DLGAP1: variants seen among roughly 807,000 people sequenced by gnomAD.
DLGAP1 encodes the protein DLG associated protein 1.
DLGAP1 carries 11 observed loss-of-function variants against 90.8 expected under a neutral mutation model. The ratio of observed to expected loss-of-function variants is 0.12; its 90% CI spans 0.08 to 0.20. The LOEUF is 0.20. Among genes scored for constraint, DLGAP1 ranks in the 10% least tolerant of loss-of-function variants. The pLI is 1.00. For missense variants in DLGAP1, 1,050 were observed against 1,333.8 expected, an observed-to-expected ratio of 0.79 and a Z score of 3.31; for synonymous variants, 558 against 540.7, an observed-to-expected ratio of 1.03 and a Z score of -0.44.
At chr18:4,291,143 T>C (rs2079839488) in intron 1 of DLGAP1, among the ~76,000 whole-genome samples, 3 of 152,214 alleles carry the variant, frequency 2.0e-5, no homozygotes, top group Admixed American at 6.5e-5. Flanking sequence ...TTATGGGTGA[T>C]GGTATTTATG....
intron 2 of DLGAP1, among the ~76,000 whole-genome samples, chr18:4,032,661 C>T (rs930954418): frequency 1.3e-5 from 2 of 152,070 alleles, no homozygotes; most frequent in East Asian, 3.9e-4. Context: ...CATGTCACAT[C>T]GTTTGGACAC....
intron 7 of DLGAP1, among the ~76,000 whole-genome samples, chr18:3,665,321 G>T (rs756299032): frequency 1.4e-5 from 2 of 146,220 alleles, no homozygotes; most frequent in Admixed American, 7.2e-5. Context: ...CTTCCTTAGT[G>T]CTGTTAGGAA....
rs67286288 is a variant in DLGAP1, at chr18:4,367,004, C to CAAAAAAA, written c.-267+87995_-267+88001dup. Among the ~76,000 whole-genome samples, 21 of 60,734 alleles carry CAAAAAAA rather than the reference C, an allele frequency of 3.5e-4. 1 individual carries two copies. The highest frequency in any genetic ancestry group is 5.1e-4 in the African/African-American group (9 of 17,640). 39.8% of individuals were successfully genotyped at this position (60,734 alleles called of 152,430 possible). A position where few individuals can be genotyped will look rare whatever the true frequency, so the allele number is the denominator to read the frequency against. On this transcript the variant is annotated intron_variant, in intron 1 of 12. Transcript: ENST00000315677. ...ATCCAGTATACGGCTCTGTCAATGG[C>CAAAAAAA]AAAAAAAAAAAAAAAAAAAAAAAAA...
intron 1 of DLGAP1, among the ~76,000 whole-genome samples, chr18:4,163,539 C>A (rs879322401): frequency 1.6e-4 from 25 of 152,230 alleles, no homozygotes; most frequent in African/African-American, 4.1e-4. Flanking sequence ...ACATGGTTCA[C>A]AATGGGCACA....
chr18:4,116,492 C>T (rs2076066002), intron 2 of DLGAP1, among the ~76,000 whole-genome samples: 2 of 152,020 alleles, frequency 1.3e-5, no homozygotes, highest in African/African-American at 4.8e-5. Context: ...TAAACTGGTA[C>T]ACTGAATGGT....
chr18:4,374,207 G>A lies in DLGAP1; in HGVS notation c.-267+80799C>T, dbSNP rs575746469. 1.1e-4 allele frequency among the ~76,000 whole-genome samples: 17 copies of A among 152,160 alleles called. No individual in the cohort carries two copies. In the South Asian group the frequency reaches 3.5e-3, roughly 32 times the overall value. ...GGCTGGCCACTGACCACATATCACT[G>A]TCTAGAGGACTATGGAACAATGCTT... is the stretch of plus-strand genomic sequence containing the variant. On this transcript the variant is annotated intron_variant, in intron 1 of 12. Transcript: ENST00000315677.
At chr18:4,376,779 T>C (rs913240239) in intron 1 of DLGAP1, among the ~76,000 whole-genome samples, 23 of 152,162 alleles carry the variant, frequency 1.5e-4, no homozygotes, top group Admixed American at 1.1e-3. Context: ...TTAATTTTAT[T>C]TAACAGATTC....
intron 1 of DLGAP1, among the ~76,000 whole-genome samples, chr18:4,247,421 T>C (rs1030841085): frequency 6.6e-6 from 1 of 152,158 alleles, no homozygotes; most frequent in Non-Finnish European, 1.5e-5. Context: ...TTCCGTGGTT[T>C]TCATAGCTAC....
chr18:4,182,899 T>A (rs1244994068), intron 1 of DLGAP1, among the ~76,000 whole-genome samples: 2 of 152,068 alleles, frequency 1.3e-5, no homozygotes, highest in African/African-American at 2.4e-5. Context: ...ATTCACTTCA[T>A]AAGGGTAGAG....
intron 4 of DLGAP1, among the ~76,000 whole-genome samples, chr18:3,829,536 C>T (rs535310708): frequency 9.9e-5 from 15 of 151,918 alleles, no homozygotes; most frequent in African/African-American, 3.6e-4. Flanking sequence ...AGTCAGGGTT[C>T]TCAGAAGAGA....
intron 5 of DLGAP1, among the ~76,000 whole-genome samples, chr18:3,800,127 T>A (rs1201702563): frequency 6.6e-6 from 1 of 152,236 alleles, no homozygotes; most frequent in Non-Finnish European, 1.5e-5. Context: ...GTTTTATGAT[T>A]ATACTTTCCT....
chr18:3,502,001 A>T, intron 12 of DLGAP1: 1 of 238,070 alleles, frequency 4.2e-6, no homozygotes, highest in Non-Finnish European at 6.7e-6. Flanking sequence ...GTGAAACTTT[A>T]TGGTATATAT....
chr18:3,683,837 T>C (rs2060606173), intron 7 of DLGAP1, among the ~76,000 whole-genome samples: 1 of 152,184 alleles, frequency 6.6e-6, no homozygotes, highest in African/African-American at 2.4e-5. Flanking sequence ...TTGCGATCTC[T>C]TACTAGAGGT....
intron 8 of DLGAP1, chr18:3,580,398 T>A: frequency 6.2e-7 from 1 of 1,613,766 alleles, no homozygotes. Context: ...AAGCACCAGG[T>A]GGACAGCTCC....
At chr18:3,635,181 A>C (rs925672484) in intron 7 of DLGAP1, among the ~76,000 whole-genome samples, 2 of 147,344 alleles carry the variant, frequency 1.4e-5, no homozygotes, top group Non-Finnish European at 3.0e-5. Context: ...CCCAGGCTGG[A>C]GTGCAGTGGC....
chr18:3,770,630 A>C (rs891017577), intron 5 of DLGAP1, among the ~76,000 whole-genome samples: 1 of 152,246 alleles, frequency 6.6e-6, no homozygotes, highest in Admixed American at 6.5e-5. Context: ...CTGAACAAAA[A>C]CATAAAAGTT....
chr18:4,178,522 C>A (rs2077156100), intron 1 of DLGAP1, among the ~76,000 whole-genome samples: 1 of 152,092 alleles, frequency 6.6e-6, no homozygotes, highest in African/African-American at 2.4e-5. Flanking sequence ...CTCATAGTGA[C>A]TAGTATGGTG....
At chr18:3,940,603 G>C (rs528563223) in intron 3 of DLGAP1, among the ~76,000 whole-genome samples, 13 of 152,162 alleles carry the variant, frequency 8.5e-5, no homozygotes, top group East Asian at 1.9e-4. Context: ...CATAATTTAA[G>C]TCAAAATAAG....
At chr18:3,574,458 A>C (rs1372115209) in intron 8 of DLGAP1, among the ~76,000 whole-genome samples, 1 of 152,232 alleles carries the variant, frequency 6.6e-6, no homozygotes, top group Non-Finnish European at 1.5e-5. Context: ...TCCGTAATCC[A>C]AATGTTATTT....
Sources: allele counts gnomAD v4.1 joint callset (sites outside exome capture counted in the v4.1 genomes callset), GRCh38; gene constraint gnomAD v4.1.1; transcripts MANE v1.5; gene names NCBI Gene and HGNC (gene_info 2026-07-23, HGNC 2026-07-21).